TRERF1: variants seen among roughly 807,000 people sequenced by gnomAD.
TRERF1 encodes the protein transcriptional-regulating factor 1.
A neutral mutation model predicts 122.9 loss-of-function variants in TRERF1; 27 were observed. That is an observed-to-expected ratio of 0.22 (90% CI 0.16 to 0.30). The LOEUF (loss-of-function observed/expected upper bound fraction) is 0.30, where lower values mean the gene tolerates loss of function less well. TRERF1 is among the 10% of genes least tolerant of loss of function. The pLI is 1.00. For synonymous variants in TRERF1, 636 were observed against 641.7 expected (o/e 0.99, Z 0.13); for missense variants, 1,248 against 1,560.3 (o/e 0.80, Z 3.37).
intron 2 of TRERF1, among the ~76,000 whole-genome samples, chr6:42,426,560 A>G (rs1783657439): frequency 6.6e-6 from 1 of 152,232 alleles, no homozygotes; most frequent in African/African-American, 2.4e-5. Context: ...TGAAAACTCC[A>G]TGTGGGTCAT....
Position 42,256,962 on chromosome 6 carries a change from C to T in TRERF1, c.2476+1G>A. 6.2e-7 allele frequency: 1 copy of T among 1,614,188 alleles called. No homozygotes were observed. Among genetic ancestry groups the T allele is most frequent in the Non-Finnish European group, 8.5e-7 (1 of 1,180,030 alleles). Reference sequence around the variant, plus strand: ...ACCCAGCTCTTCCCATATGCCAATACCTCTTTGCTGGAGGTCATGGTTTTC... The same window carrying T: ...ACCCAGCTCTTCCCATATGCCAATATCTCTTTGCTGGAGGTCATGGTTTTC... On this transcript the variant is annotated splice_donor_variant, in intron 11 of 17. Transcript: ENST00000372922. LOFTEE classifies it high-confidence loss of function.
At chr6:42,336,959 C>T (rs1346505585) in intron 3 of TRERF1, among the ~76,000 whole-genome samples, 1 of 152,184 alleles carries the variant, frequency 6.6e-6, no homozygotes, top group Admixed American at 6.5e-5. Context: ...TTGGCTCTAG[C>T]AAGCGCCAGA....
chr6:42,410,613 A>G (rs1242572340), intron 2 of TRERF1, among the ~76,000 whole-genome samples: 1 of 152,124 alleles, frequency 6.6e-6, no homozygotes, highest in Non-Finnish European at 1.5e-5. Flanking sequence ...TTTCTGAAGT[A>G]GAGTTGGAGG....
At chr6:42,353,791 A>T (rs1769955926) in intron 3 of TRERF1, among the ~76,000 whole-genome samples, 2 of 152,204 alleles carry the variant, frequency 1.3e-5, no homozygotes, top group Admixed American at 1.3e-4. Flanking sequence ...AAGCAATTCA[A>T]GTAGTATAAT....
chr6:42,345,082 C>T (rs1311232264), intron 3 of TRERF1, among the ~76,000 whole-genome samples: 1 of 152,150 alleles, frequency 6.6e-6, no homozygotes, highest in Non-Finnish European at 1.5e-5. Context: ...AGGCCTGCCT[C>T]TAAATTCTAT....
In TRERF1 at chr6:42,276,314, C is replaced by T. The variant is rs1781136072; in HGVS notation, c.-258-6466G>A. Among the ~76,000 whole-genome samples, 1 of 152,230 alleles carries T rather than the reference C, an allele frequency of 6.6e-6. No individual in the cohort carries two copies. Among genetic ancestry groups the T allele is most frequent in the South Asian group, 2.1e-4 (1 of 4,836 alleles). Reference sequence around the variant, plus strand: ...GCTTACAATTCAGAAGGGGTAACACCCTGCTCCGGCCAGACCACCATTGCT... The same window carrying T: ...GCTTACAATTCAGAAGGGGTAACACTCTGCTCCGGCCAGACCACCATTGCT... On this transcript the variant is annotated intron_variant, in intron 4 of 17. Coordinates refer to ENST00000372922, the Ensembl canonical transcript of TRERF1. This position sits in a 1 kb window ranked among gnomAD's most constrained non-coding sequence, Gnocchi z 4.3.
At chr6:42,372,427 C>T (rs1299528753) in intron 2 of TRERF1, among the ~76,000 whole-genome samples, 2 of 152,158 alleles carry the variant, frequency 1.3e-5, no homozygotes, top group African/African-American at 4.8e-5. Flanking sequence ...CTTCAGGCCT[C>T]AGAGTGGCAA....
chr6:42,428,370 T>A (rs1213621766), intron 2 of TRERF1, among the ~76,000 whole-genome samples: 2 of 152,224 alleles, frequency 1.3e-5, no homozygotes, highest in African/African-American at 2.4e-5. Flanking sequence ...TGAAGCTCAT[T>A]ATGGCCCGAG....
intron 3 of TRERF1, among the ~76,000 whole-genome samples, chr6:42,336,775 G>C (rs1342360895): frequency 6.6e-6 from 1 of 152,214 alleles, no homozygotes; most frequent in African/African-American, 2.4e-5. Flanking sequence ...TCAAATTCTA[G>C]CTCTGCCACT....
At chr6:42,353,544 C>T (rs546771284) in intron 3 of TRERF1, among the ~76,000 whole-genome samples, 40 of 152,002 alleles carry the variant, frequency 2.6e-4, no homozygotes, top group African/African-American at 8.2e-4. Context: ...ACCAATATCG[C>T]GCCATTGCAC....
At chr6:42,304,757 C>A (rs1260394239) in intron 3 of TRERF1, among the ~76,000 whole-genome samples, 1 of 152,214 alleles carries the variant, frequency 6.6e-6, no homozygotes, top group African/African-American at 2.4e-5. Context: ...TGCCAACTGT[C>A]TCTTGCAAAA....
In TRERF1 at chr6:42,268,559, C is replaced by T. The variant is rs1582699312; in HGVS notation, c.1032G>A (p.Met344Ile). The change falls in exon 5 of 18, where the codon ATG becomes ATA. Residue 344 changes from methionine to isoleucine, a missense_variant. Physicochemically the swap from Met to Ile is conservative, Grantham distance 10 (BLOSUM62 1). Transcript: ENST00000372922. The surrounding 1 kb of genome is among the most constrained non-coding windows in gnomAD (Gnocchi z 4.4). ...TGTGATAAGAAGGAGGCTGCAGGTGCATCTGTTGCTGCTGCTGCTCTTGCA... is the reference window on the plus strand; with the variant it reads ...TGTGATAAGAAGGAGGCTGCAGGTGTATCTGTTGCTGCTGCTGCTCTTGCA... The T allele has an allele frequency of 3.1e-6, 5 of 1,614,138 alleles. No homozygotes were observed. In the African/African-American group the frequency reaches 6.7e-5, roughly 22 times the overall value.
intron 2 of TRERF1, among the ~76,000 whole-genome samples, chr6:42,387,955 A>G (rs1447405616): frequency 6.6e-6 from 1 of 152,104 alleles, no homozygotes; most frequent in African/African-American, 2.4e-5. Flanking sequence ...TCACAGGTAC[A>G]TGCCACCACG....
chr6:42,262,472 A>C (rs1582651900), intron 8 of TRERF1, among the ~76,000 whole-genome samples: 3 of 2,648 alleles, frequency 1.1e-3, no homozygotes, highest in African/African-American at 3.6e-3. Flanking sequence ...GAGAGGAGAG[A>C]GAGAGAGAGA....
chr6:42,277,971 A>AGAAGAC (rs1781589325), intron 4 of TRERF1, among the ~76,000 whole-genome samples: 1 of 145,354 alleles, frequency 6.9e-6, no homozygotes, highest in African/African-American at 2.6e-5. Context: ...AAGAAGAAGA[A>AGAAGAC]GAAGACTGCA....
rs1001062854 is a variant in TRERF1 at position 42,287,084 on chromosome 6, T to C, written c.-259+13554A>G. 2.4e-4 allele frequency among the ~76,000 whole-genome samples: 35 copies of C among 144,092 alleles called. No homozygotes were observed. The South Asian group carries it at 3.8e-3, about 16-fold the overall frequency. 94.5% of individuals were successfully genotyped at this position (144,092 alleles called of 152,430 possible). On this transcript the variant is annotated intron_variant, in intron 4 of 17. Coordinates refer to ENST00000372922, the Ensembl canonical transcript of TRERF1. ...GCATATTCTCACTCATAGGTGGGAA[T>C]TGAACAATGAGATCACATGGACACA...
intron 2 of TRERF1, among the ~76,000 whole-genome samples, chr6:42,427,160 A>T (rs1783744280): frequency 6.6e-6 from 1 of 152,036 alleles, no homozygotes; most frequent in Non-Finnish European, 1.5e-5. Flanking sequence ...ATCTCTATAA[A>T]AAATACATAA....
intron 13 of TRERF1, among the ~76,000 whole-genome samples, chr6:42,249,504 A>G (rs1014175591): frequency 6.6e-6 from 1 of 152,124 alleles, no homozygotes; most frequent in Non-Finnish European, 1.5e-5. Flanking sequence ...ATCTGTTAGG[A>G]GAGATCCCCA....
chr6:42,240,930 T>C (rs1021352469), intron 15 of TRERF1, among the ~76,000 whole-genome samples: 7 of 152,178 alleles, frequency 4.6e-5, no homozygotes, highest in Non-Finnish European at 7.3e-5. Flanking sequence ...TCTCACTCTG[T>C]TGCCCAGGCT....
Sources: allele counts gnomAD v4.1 joint callset (sites outside exome capture counted in the v4.1 genomes callset), GRCh38; gene constraint gnomAD v4.1.1; non-coding constraint Gnocchi (gnomAD v3.1); transcripts MANE v1.5; gene names NCBI Gene and HGNC (gene_info 2026-07-23, HGNC 2026-07-21).